Variants in CRISPLD1 observed in about 807,000 individuals in gnomAD.
The protein encoded by CRISPLD1 is cysteine-rich secretory protein LCCL domain-containing 1.
In CRISPLD1, 60 loss-of-function variants were observed where a neutral mutation model predicts 77.5. That is an observed-to-expected ratio of 0.77 (90% confidence interval 0.63 to 0.96). CRISPLD1 has a LOEUF of 0.96. CRISPLD1 is among the 40% of genes least tolerant of loss of function. CRISPLD1 has a pLI of 0.00. For synonymous variants in CRISPLD1, 195 were observed against 200.1 expected, an observed-to-expected ratio of 0.97 and a Z score of 0.22; for missense variants, 623 against 615.8, an observed-to-expected ratio of 1.01 and a Z score of -0.12.
At chr8:74,993,633 A>G (rs1052434742) in intron 2 of CRISPLD1, among the ~76,000 whole-genome samples, 4 of 152,230 alleles carry the variant, frequency 2.6e-5, no homozygotes, top group Non-Finnish European at 5.9e-5. Context: ...TAGAAAAAAA[A>G]GTGACATTAC....
At chr8:75,003,712 A>T (rs561158051) in intron 2 of CRISPLD1, among the ~76,000 whole-genome samples, 11 of 152,308 alleles carry the variant, frequency 7.2e-5, no homozygotes, top group African/African-American at 2.4e-4. Context: ...TATATGATAC[A>T]TTTGCAATTA....
intron 2 of CRISPLD1, among the ~76,000 whole-genome samples, chr8:75,006,862 G>T (rs914552826): frequency 2.6e-5 from 4 of 151,908 alleles, no homozygotes; most frequent in African/African-American, 9.7e-5. Context: ...TAATTTATAT[G>T]TGAAAGTCTG....
intron 2 of CRISPLD1, among the ~76,000 whole-genome samples, chr8:74,987,608 G>GCAAA (rs1812515438): frequency 1.3e-5 from 2 of 152,150 alleles, no homozygotes; most frequent in Admixed American, 1.3e-4. Flanking sequence ...TACTGTGCAG[G>GCAAA]ATATGACATC....
chr8:74,985,690 G>T (rs568056175), intron 1 of CRISPLD1, among the ~76,000 whole-genome samples: 2 of 152,110 alleles, frequency 1.3e-5, no homozygotes, highest in South Asian at 2.1e-4. Flanking sequence ...GGCCTCAGGG[G>T]TATTATCTTG....
chr8:75,018,262 C>CT (rs140563649), intron 10 of CRISPLD1, among the ~76,000 whole-genome samples: 10,776 of 148,306 alleles, frequency 0.073, 421 homozygotes, highest in South Asian at 0.095. Flanking sequence ...CCTATACAGT[C>CT]TTTTTTTTTT....
At chr8:75,012,794 G>C in intron 3 of CRISPLD1, 96 bp from the exon 4 acceptor site, 1 of 1,375,172 alleles carries the variant, frequency 7.3e-7, no homozygotes, top group South Asian at 1.4e-5. Context: ...ACGCCAAAGT[G>C]TCTTTCTACC....
In CRISPLD1 at chr8:75,034,029, CCAT is replaced by C. The variant is rs1813402724; in HGVS notation, c.*1793_*1795del. On this transcript the variant is annotated 3_prime_UTR_variant, in exon 15 of 15. Transcript: ENST00000262207. Reference sequence around the variant, plus strand: ...TTCTATTTGCCCTTAGTTTAGATCTCCATCATCAATTCCACTTACTATTGTAAT... The same window carrying C: ...TTCTATTTGCCCTTAGTTTAGATCTCCATCAATTCCACTTACTATTGTAAT... 1 of 152,000 alleles carries C rather than the reference CCAT, an allele frequency of 6.6e-6. No individual in the cohort carries two copies. The allele number at this position is 152,000 out of a possible 1,614,324, so 9.4% of individuals were successfully genotyped here.
intron 12 of CRISPLD1, among the ~76,000 whole-genome samples, 168 bp from the exon 13 acceptor site, chr8:75,025,378 A>C (rs796638056): frequency 1.3e-5 from 2 of 152,044 alleles, no homozygotes; most frequent in Non-Finnish European, 2.9e-5. Context: ...AACAGAAGCA[A>C]TTGTGTCTAC....
At chr8:75,031,567 CTGTGTGTGTGTG>C (rs755567610) in intron 14 of CRISPLD1, among the ~76,000 whole-genome samples, 2 of 65,668 alleles carry the variant, frequency 3.0e-5, no homozygotes, top group African/African-American at 9.5e-5. Flanking sequence ...ATTGAATGCT[CTGTGTGTGTGTG>C]TGTGTGTGTG....
rs1813364992 is a variant in CRISPLD1, at chr8:75,032,310, C to G, written c.*68C>G. 4.0e-6 allele frequency: 5 copies of G among 1,259,884 alleles called. No individual in the cohort carries two copies. In the Admixed American group the frequency reaches 9.2e-5, roughly 23 times the overall value. The allele number at this position is 1,259,884 out of a possible 1,614,324, so 78.0% of individuals were successfully genotyped here. A position where few individuals can be genotyped will look rare whatever the true frequency, so the allele number is the denominator to read the frequency against. On this transcript the variant is annotated 3_prime_UTR_variant, in exon 15 of 15. Transcript: ENST00000262207. ...CAATATTTCTGAATTTTGTATAAAA[C>G]TGTAACATTACTGTACAGAGTACAT...
At chr8:74,998,670 A>G (rs1239778312) in intron 2 of CRISPLD1, among the ~76,000 whole-genome samples, 1 of 143,274 alleles carries the variant, frequency 7.0e-6, no homozygotes, top group African/African-American at 2.7e-5. Flanking sequence ...CCTGGGCAAC[A>G]GAGAGACTCC....
chr8:75,000,247 A>G, intron 2 of CRISPLD1: 1 of 985,312 alleles, frequency 1.0e-6, no homozygotes, highest in Non-Finnish European at 1.2e-6. Flanking sequence ...TGTATCTGAA[A>G]TAGTGAATGA....
chr8:75,008,507 TTC>T (rs1812874172), intron 2 of CRISPLD1, among the ~76,000 whole-genome samples: 1 of 152,194 alleles, frequency 6.6e-6, no homozygotes, highest in Non-Finnish European at 1.5e-5. Flanking sequence ...ATAGAATTTC[TTC>T]CAATAAGTTT....
At chr8:75,014,145 A>G in intron 5 of CRISPLD1, 43 bp downstream of exon 5, 2 of 1,254,558 alleles carry the variant, frequency 1.6e-6, no homozygotes, top group Non-Finnish European at 1.2e-6. Flanking sequence ...ATTTTTCTTA[A>G]CAAAATGAAA....
intron 2 of CRISPLD1, among the ~76,000 whole-genome samples, chr8:74,993,840 T>C (rs1812610307): frequency 6.6e-6 from 1 of 152,036 alleles, no homozygotes; most frequent in African/African-American, 2.4e-5. Context: ...CTATCTAGGG[T>C]TCTAGTAGTA....
chr8:75,014,103 G>A lies in CRISPLD1; in HGVS notation c.626+1G>A. 6.4e-7 allele frequency: 1 copy of A among 1,570,504 alleles called. No homozygotes were observed. Among genetic ancestry groups the A allele is most frequent in the Non-Finnish European group, 8.8e-7 (1 of 1,140,594 alleles). ...ACCTGGTGTGCAATTACTCCCCAAA[G>A]TGAGTAGACAAAACACTACGTTCAG... On this transcript the variant is annotated splice_donor_variant, in intron 5 of 14. Coordinates refer to ENST00000262207, the MANE Select transcript of CRISPLD1 (RefSeq NM_031461.6). LOFTEE classifies it high-confidence loss of function.
intron 2 of CRISPLD1, among the ~76,000 whole-genome samples, chr8:74,994,214 G>A (rs776915058): frequency 6.6e-6 from 1 of 152,134 alleles, no homozygotes; most frequent in Non-Finnish European, 1.5e-5. Context: ...CTAGGAGTGG[G>A]GTGGCAGCCA....
At position 75,016,615 on chromosome 8, in the gene CRISPLD1, G is replaced by C. The variant is rs772476518; in HGVS notation, c.778G>C (p.Glu260Gln). 2 of 1,613,520 alleles carry C rather than the reference G, an allele frequency of 1.2e-6. No individual in the cohort carries two copies. The highest frequency in any genetic ancestry group is 1.7e-5 in the Admixed American group (1 of 59,996). The change falls in exon 7 of 15, where the codon GAA becomes CAA. Residue 260 changes from glutamate to glutamine, a missense_variant. Coordinates refer to ENST00000262207, the MANE Select transcript of CRISPLD1 (RefSeq NM_031461.6). ...TCGAGAAGAGGAAACAAATGAAATA[G>C]AACGACAGCAGTCACAAGTCCATGA... Reference protein sequence around the residue: ...PPREEETNEIERQQSQVHDTH... With the variant: ...PPREEETNEIQRQQSQVHDTH...
Position 75,016,672 on chromosome 8 carries a change from A to G in CRISPLD1, c.835A>G (p.Ser279Gly). The change falls in exon 7 of 15, where the codon AGC becomes GGC. Residue 279 changes from serine to glycine, a missense_variant. Coordinates refer to ENST00000262207, the MANE Select transcript of CRISPLD1 (RefSeq NM_031461.6). The part of the protein sequence containing the change: ...THVRTRSDDS[S>G]RNEVISAQQM... ...TGTCCGGACAAGATCAGATGATAGTAGCAGAAATGAAGTCATAAGCGCACA... is the reference window on the plus strand; with the variant it reads ...TGTCCGGACAAGATCAGATGATAGTGGCAGAAATGAAGTCATAAGCGCACA... The G allele has an allele frequency of 6.2e-7, 1 of 1,613,222 alleles. No homozygotes were observed. The highest frequency in any genetic ancestry group is 8.5e-7 in the Non-Finnish European group (1 of 1,179,426).
Sources: gnomAD v4.1 joint callset for allele counts (sites outside exome capture counted in the v4.1 genomes callset) on GRCh38, gnomAD v4.1.1 for gene constraint, MANE v1.5 for transcripts, NCBI Gene and HGNC (gene_info 2026-07-23, HGNC 2026-07-21) for gene names.